The following MAP2K7 variants were observed in gnomAD, a reference collection of about 807,000 sequenced individuals.
The protein encoded by MAP2K7 is mitogen-activated protein kinase kinase 7.
Under a neutral mutation model 47.7 loss-of-function variants are expected in MAP2K7, and 12 were observed. That is an observed-to-expected ratio of 0.25 (90% CI 0.16 to 0.41). The LOEUF (loss-of-function observed/expected upper bound fraction) is 0.41, where lower values mean the gene tolerates loss of function less well. MAP2K7 is among the 10% of genes least tolerant of loss of function. The pLI, the probability that MAP2K7 is intolerant of heterozygous loss-of-function variation, is 1.00. For synonymous variants in MAP2K7, 299 were observed against 243.0 expected (o/e 1.23, Z -2.14); for missense variants, 415 against 600.3 (o/e 0.69, Z 3.23).
At position 7,910,645 on chromosome 19, in the gene MAP2K7, T is replaced by TG. The variant is rs771406063; in HGVS notation, c.568-45dup. 27 of 1,608,406 alleles carry TG rather than the reference T, an allele frequency of 1.7e-5. No homozygotes were observed. The East Asian group carries it at 5.8e-4, about 35-fold the overall frequency. On this transcript the variant is annotated intron_variant, in intron 5 of 10. Coordinates refer to ENST00000397979, the MANE Select transcript of MAP2K7 (RefSeq NM_145185.4). ...GCCCCTTCCTAGGGAGCAGAGCCTC[T>TG]GGGGGGTGGGCCGGAAGACACAGCT...
Position 7,910,696 on chromosome 19 carries a change from A to G in MAP2K7, c.568A>G (p.Thr190Ala). 1 of 1,608,830 alleles carries G rather than the reference A, an allele frequency of 6.2e-7. No individual in the cohort carries two copies. The highest frequency in any genetic ancestry group is 1.1e-5 in the South Asian group (1 of 90,826). ...VQCFGTFITN[T>A]DVFIAMELMG... is the part of the protein sequence containing the mutation. ...CCCCCGGGTGCCCCTCTCCCTGCAG[A>G]CGGACGTCTTCATCGCCATGGAGCT... The change falls in exon 6 of 11, where the codon ACG becomes GCG. Residue 190 changes from threonine (T) to alanine (A), a missense_variant and splice_region_variant. Coordinates refer to ENST00000397979, the MANE Select transcript of MAP2K7 (RefSeq NM_145185.4).
chr19:7,911,528 G>T lies in MAP2K7; in HGVS notation c.1029G>T (p.Leu343=), dbSNP rs763221799. 8 of 1,611,230 alleles carry T rather than the reference G, an allele frequency of 5.0e-6. No individual in the cohort carries two copies. Among genetic ancestry groups the T allele is most frequent in the Middle Eastern group, 1.6e-4 (1 of 6,064 alleles). ...TKVLQEEPPL[L]PGHMGFSGDF... is the part of the protein sequence containing the mutation. ...TCCTACAGGAAGAGCCCCCGCTTCT[G>T]CCCGGACACATGGGCTTCTCGGGGG... Residue 343 remains leucine, a synonymous_variant, in exon 9 of 11, where the codon CTG becomes CTT. Transcript: ENST00000397979.
chr19:7,911,049 A>G lies in MAP2K7; in HGVS notation c.745A>G (p.Ile249Val), dbSNP rs1338503438. 6.2e-7 allele frequency: 1 copy of G among 1,612,566 alleles called. No homozygotes were observed. The highest frequency in any genetic ancestry group is 8.5e-7 in the Non-Finnish European group (1 of 1,179,870). The change falls in exon 7 of 11, where the codon ATC becomes GTC. Residue 249 changes from isoleucine to valine, a missense_variant. Around this residue, in one of 3 missense-constraint regions of MAP2K7, gnomAD observed 206 missense variants for 368.8 expected, o/e 0.56. Transcript: ENST00000397979. ...VIHRDVKPSNILLDERGQIKL... is the reference protein window; with the variant it reads ...VIHRDVKPSNVLLDERGQIKL... ...CCACCGCGACGTCAAGCCCTCCAAC[A>G]TCCTGCTGGACGAGCGGGGCCAGAT... is the stretch of plus-strand genomic sequence containing the variant.
chr19:7,905,682 A>C, intron 1 of MAP2K7: 1 of 791,888 alleles, frequency 1.3e-6, no homozygotes, highest in Non-Finnish European at 2.2e-6. Flanking sequence ...GTTCCTAGCC[A>C]TCTCTGCAGT....
chr19:7,904,782 C>G (rs1381214870), intron 1 of MAP2K7, among the ~76,000 whole-genome samples: 1 of 151,990 alleles, frequency 6.6e-6, no homozygotes, highest in Non-Finnish European at 1.5e-5. Context: ...GGTGTCTGAC[C>G]TCCAGAAATG....
chr19:7,904,075 A>C lies in MAP2K7; in HGVS notation c.124+7A>C, dbSNP rs1349769216. 2.1e-5 allele frequency: 8 copies of C among 384,426 alleles called. No individual in the cohort carries two copies. Among genetic ancestry groups the C allele is most frequent in the Non-Finnish European group, 3.2e-5 (8 of 248,606 alleles). The allele number at this position is 384,426 out of a possible 1,614,324, so 23.8% of individuals were successfully genotyped here. On this transcript the variant is annotated splice_region_variant and intron_variant, in intron 1 of 10. Transcript: ENST00000397979. ...CCCCAGCGGCCCAGGCCCAGTAAGC[A>C]CGGCGGCGTGGGGGAGGGGGCGGGC... is the stretch of plus-strand genomic sequence containing the variant.
At position 7,911,084 on chromosome 19, in the gene MAP2K7, C is replaced by T. The variant is rs751325660; in HGVS notation, c.780C>T (p.Cys260=). The change falls in exon 7 of 11, where the codon TGC becomes TGT. Residue 260 remains cysteine, a synonymous_variant. Coordinates refer to ENST00000397979, the MANE Select transcript of MAP2K7 (RefSeq NM_145185.4). ...ACGAGCGGGGCCAGATCAAGCTCTGCGACTTCGGCATCAGCGGCCGCCTGG... is the reference window on the plus strand; with the variant it reads ...ACGAGCGGGGCCAGATCAAGCTCTGTGACTTCGGCATCAGCGGCCGCCTGG... ...LLDERGQIKL[C]DFGISGRLVD... is the part of the protein sequence containing the mutation. The T allele has an allele frequency of 2.2e-5, 35 of 1,612,508 alleles. No homozygotes were observed. The highest frequency in any genetic ancestry group is 9.3e-5 in the African/African-American group (7 of 74,910).
At chr19:7,911,386 CGGAG>C in intron 8 of MAP2K7, 46 bp from the exon 9 acceptor site, 5 of 1,613,342 alleles carry the variant, frequency 3.1e-6, no homozygotes, top group South Asian at 1.1e-5. Context: ...CTGGGGGACT[CGGAG>C]GGAGGAGAAC....
At position 7,910,217 on chromosome 19, in the gene MAP2K7, G is replaced by A. The variant is rs780120782; in HGVS notation, c.334-43G>A. 2.1e-5 allele frequency: 33 copies of A among 1,605,910 alleles called. 1 individual carries two copies. Among genetic ancestry groups the A allele is most frequent in the Middle Eastern group, 3.3e-4 (2 of 6,046 alleles). On this transcript the variant is annotated intron_variant, in intron 3 of 10. Coordinates refer to ENST00000397979, the MANE Select transcript of MAP2K7 (RefSeq NM_145185.4). ...GCGCCAGTGGGGGGCAGGGGGCGGT[G>A]GCAGAGGCCCCAGGGACCCTCCAAC...
At chr19:7,910,828 C>T in intron 6 of MAP2K7, 25 bp downstream of exon 6, 1 of 1,580,512 alleles carries the variant, frequency 6.3e-7, no homozygotes, top group Non-Finnish European at 8.6e-7. Flanking sequence ...GGGGCTTGCA[C>T]TGGGCAGGAT....
At chr19:7,905,033 C>T (rs1163416109) in intron 1 of MAP2K7, among the ~76,000 whole-genome samples, 1 of 151,586 alleles carries the variant, frequency 6.6e-6, no homozygotes, top group African/African-American at 2.4e-5. Flanking sequence ...ACACACCTGG[C>T]CTGGGAACAC....
chr19:7,906,012 G>A (rs1982429021), intron 1 of MAP2K7: 4 of 718,182 alleles, frequency 5.6e-6, no homozygotes, highest in East Asian at 2.5e-5. Flanking sequence ...CTCAAGCAGC[G>A]GTCAGCCCAG....
chr19:7,911,610 G>T (rs377123919), intron 9 of MAP2K7, 32 bp downstream of exon 9: 52 of 1,554,110 alleles, frequency 3.3e-5, no homozygotes, highest in Non-Finnish European at 3.7e-5. Flanking sequence ...GGAGGTCAGG[G>T]ACAGCCCGCT....
intron 9 of MAP2K7, 31 bp from the exon 10 acceptor site, chr19:7,912,118 C>T (rs749367616): frequency 1.2e-6 from 2 of 1,611,072 alleles, no homozygotes; most frequent in South Asian, 1.1e-5. Flanking sequence ...CTCCCTCGTT[C>T]TCACATCTGT....
chr19:7,905,719 A>G, intron 1 of MAP2K7: 1 of 1,178,858 alleles, frequency 8.5e-7, no homozygotes, highest in South Asian at 1.2e-5. Context: ...CTCCTCGTTT[A>G]TGATTTGATT....
At chr19:7,911,999 G>C (rs1408971785) in intron 9 of MAP2K7, 150 bp from the exon 10 acceptor site, 2 of 700,652 alleles carry the variant, frequency 2.9e-6, no homozygotes, top group African/African-American at 3.6e-5. Context: ...GCTCCCCGCT[G>C]TCAGCCGGGG....
chr19:7,907,668 C>T (rs927473136), intron 1 of MAP2K7, among the ~76,000 whole-genome samples: 2 of 152,164 alleles, frequency 1.3e-5, no homozygotes, highest in African/African-American at 2.4e-5. Flanking sequence ...GTCTGTGGTC[C>T]GGCAGCCTCC....
intron 1 of MAP2K7, 124 bp downstream of exon 1, chr19:7,904,192 C>T (rs1252581621): frequency 1.7e-5 from 14 of 813,888 alleles, no homozygotes; most frequent in Non-Finnish European, 1.9e-5. Flanking sequence ...CTCCGCCCCC[C>T]CCGCTGCGGG....
intron 3 of MAP2K7, 42 bp from the exon 4 acceptor site, chr19:7,910,218 G>A: frequency 1.2e-6 from 2 of 1,605,916 alleles, no homozygotes; most frequent in South Asian, 2.2e-5. Flanking sequence ...GGGGGCGGTG[G>A]CAGAGGCCCC....
Sources: gnomAD v4.1 joint callset for allele counts (sites outside exome capture counted in the v4.1 genomes callset) on GRCh38, gnomAD v4.1.1 for gene constraint, gnomAD v4.1.1 regional missense constraint, MANE v1.5 for transcripts, NCBI Gene and HGNC (gene_info 2026-07-23, HGNC 2026-07-21) for gene names.